The following KAZN variants were observed in gnomAD, a reference collection of about 807,000 sequenced individuals.
KAZN encodes the protein kazrin, periplakin interacting protein.
Under a neutral mutation model 87.4 loss-of-function variants are expected in KAZN, and 40 were observed. The ratio of observed to expected loss-of-function variants is 0.46; its 90% confidence interval spans 0.36 to 0.60. The LOEUF is 0.60. Among genes scored for constraint, KAZN ranks in the 20% least tolerant of loss-of-function variants. The probability of loss-of-function intolerance (pLI) is 0.00; values close to 1 mark genes in which losing one functional copy is unlikely to be tolerated. For synonymous variants in KAZN, 466 were observed against 458.3 expected (o/e 1.02, Z -0.22); for missense variants, 898 against 1,073.9 (o/e 0.84, Z 2.29).
intron 2 of KAZN, among the ~76,000 whole-genome samples, chr1:14,317,297 TC>T (rs1313778994): frequency 6.6e-6 from 1 of 151,972 alleles, no homozygotes; most frequent in African/African-American, 2.4e-5. Flanking sequence ...CTCTTAATAT[TC>T]CTTTTTCAAA....
intron 7 of KAZN, among the ~76,000 whole-genome samples, chr1:15,064,278 T>C (rs1639047034): frequency 6.6e-6 from 1 of 152,110 alleles, no homozygotes; most frequent in Admixed American, 6.5e-5. Flanking sequence ...ACACCACCCA[T>C]TCGCAACGGA....
At chr1:13,974,508 G>A (rs920646912) in intron 1 of KAZN, among the ~76,000 whole-genome samples, 24 of 152,180 alleles carry the variant, frequency 1.6e-4, no homozygotes, top group Non-Finnish European at 8.8e-5. Flanking sequence ...TTATCTGGGT[G>A]GGACCTAAAT....
intron 1 of KAZN, among the ~76,000 whole-genome samples, chr1:14,032,199 A>T (rs12096542): frequency 0.026 from 3,999 of 152,286 alleles, 188 homozygotes; most frequent in African/African-American, 0.092. Flanking sequence ...TTCTCATAAC[A>T]ATAAGCAACA....
intron 2 of KAZN, among the ~76,000 whole-genome samples, chr1:14,539,771 A>G (rs1672702515): frequency 6.6e-6 from 1 of 151,952 alleles, no homozygotes; most frequent in African/African-American, 2.4e-5. Flanking sequence ...ATTTTCTGTT[A>G]TCTCCAAGAA....
At chr1:14,892,881 G>T (rs940242413) in intron 1 of KAZN, among the ~76,000 whole-genome samples, 1 of 152,102 alleles carries the variant, frequency 6.6e-6, no homozygotes, top group African/African-American at 2.4e-5. Flanking sequence ...AAAAAGGAAT[G>T]GACAGAGGAA....
At chr1:14,176,175 G>C (rs1156547083) in intron 1 of KAZN, among the ~76,000 whole-genome samples, 2 of 152,070 alleles carry the variant, frequency 1.3e-5, no homozygotes, top group Non-Finnish European at 2.9e-5. Flanking sequence ...AATTCAAATT[G>C]CTTCCCCTAC....
chr1:15,103,271 G>C, intron 11 of KAZN, 88 bp from the exon 12 acceptor site: 1 of 929,478 alleles, frequency 1.1e-6, no homozygotes, highest in South Asian at 1.5e-5. Context: ...TGTCTCGGGG[G>C]GAAAAAGAGA....
chr1:14,204,401 A>G (rs1646698068), intron 2 of KAZN, among the ~76,000 whole-genome samples: 1 of 152,208 alleles, frequency 6.6e-6, no homozygotes, highest in Admixed American at 6.5e-5. Context: ...CCTTTTCTTC[A>G]AAGGAGAATG....
chr1:13,945,704 TGTGTGTGA>T (rs1265514396), intron 1 of KAZN, among the ~76,000 whole-genome samples: 14 of 139,690 alleles, frequency 1.0e-4, no homozygotes, highest in African/African-American at 3.3e-4. Flanking sequence ...TGTGTGTGTG[TGTGTGTGA>T]GAGAGAGAGA....
intron 1 of KAZN, among the ~76,000 whole-genome samples, chr1:14,109,087 T>C (rs570297161): frequency 3.1e-4 from 47 of 152,330 alleles, no homozygotes; most frequent in African/African-American, 1.1e-3. Context: ...CAAAGTCCTG[T>C]GTCATAGTAG....
At chr1:14,638,111 C>G (rs1315313673) in intron 1 of KAZN, among the ~76,000 whole-genome samples, 2 of 152,152 alleles carry the variant, frequency 1.3e-5, no homozygotes, top group Non-Finnish European at 2.9e-5. Context: ...ACAGGGACAC[C>G]AGTCATTAGA....
At chr1:14,229,150 C>T (rs189246071) in intron 2 of KAZN, among the ~76,000 whole-genome samples, 11 of 152,256 alleles carry the variant, frequency 7.2e-5, no homozygotes, top group Admixed American at 4.6e-4. Flanking sequence ...AATAAAATTG[C>T]ACCACGAACG....
At chr1:14,467,830 G>A (rs762731965) in intron 2 of KAZN, among the ~76,000 whole-genome samples, 1 of 152,104 alleles carries the variant, frequency 6.6e-6, no homozygotes, top group African/African-American at 2.4e-5. Flanking sequence ...GCCCCCAGAA[G>A]CTCCAGGCTT....
At chr1:14,250,004 AG>A (rs1355457597) in intron 2 of KAZN, among the ~76,000 whole-genome samples, 2 of 152,178 alleles carry the variant, frequency 1.3e-5, no homozygotes, top group African/African-American at 2.4e-5. Context: ...GCAGCAAAAA[AG>A]CAGTTATGCC....
At chr1:14,194,195 T>C (rs1184843004) in intron 2 of KAZN, among the ~76,000 whole-genome samples, 2 of 152,078 alleles carry the variant, frequency 1.3e-5, no homozygotes, top group Admixed American at 6.6e-5. Flanking sequence ...CTTGATACTT[T>C]AGAGGACGCA....
At chr1:14,387,526 C>G (rs1276211372) in intron 2 of KAZN, among the ~76,000 whole-genome samples, 3 of 152,120 alleles carry the variant, frequency 2.0e-5, no homozygotes, top group Non-Finnish European at 4.4e-5. Context: ...AGTTTTCCTT[C>G]TAACAGACAG....
At chr1:15,089,732 CAAAAAAAAAAAAA>C (rs56260619) in intron 8 of KAZN, among the ~76,000 whole-genome samples, 1,438 of 69,046 alleles carry the variant, frequency 0.021, 54 homozygotes, top group East Asian at 0.13. Flanking sequence ...CTTTTATTGG[CAAAAAAAAAAAAA>C]AAAAAAAAAA....
intron 2 of KAZN, among the ~76,000 whole-genome samples, chr1:14,469,372 A>G (rs928989104): frequency 3.3e-5 from 5 of 152,234 alleles, no homozygotes; most frequent in African/African-American, 1.2e-4. Flanking sequence ...CAGTCCCCAC[A>G]CACAGCTAGT....
intron 1 of KAZN, among the ~76,000 whole-genome samples, chr1:13,932,822 G>C (rs6678053): frequency 0.016 from 2,490 of 152,282 alleles, 62 homozygotes; most frequent in African/African-American, 0.055. Context: ...TGTCACGCAT[G>C]TATCTTTTTC....
Sources: gnomAD v4.1 joint callset for allele counts (sites outside exome capture counted in the v4.1 genomes callset) on GRCh38, gnomAD v4.1.1 for gene constraint, MANE v1.5 for transcripts, NCBI Gene and HGNC (gene_info 2026-07-23, HGNC 2026-07-21) for gene names.